MTERF4: variants seen among roughly 807,000 people sequenced by gnomAD.
MTERF4 encodes the protein mitochondrial transcription termination factor 4, also known as transcription termination factor 4, mitochondrial.
MTERF4 carries 17 observed loss-of-function variants against 22.5 expected under a neutral mutation model. That is an observed-to-expected ratio of 0.75 (90% CI 0.52 to 1.13). MTERF4 has a LOEUF of 1.13. MTERF4 is among the 50% of genes most tolerant of loss of function. The pLI is 0.00. For missense variants in MTERF4, 420 were observed against 466.8 expected (o/e 0.90, Z 0.92); for synonymous variants, 165 against 175.3 (o/e 0.94, Z 0.47).
chr2:241,053,660 C>T, the MTERF4 span, among the ~76,000 whole-genome samples: 4 of 152,206 alleles, frequency 2.6e-5, no homozygotes, highest in Admixed American at 6.5e-5. Context: ...GAGCCAGATA[C>T]GGATTCAGGA....
downstream of MTERF4, among the ~76,000 whole-genome samples, chr2:241,069,384 T>C (rs1020807117): frequency 6.6e-6 from 1 of 152,114 alleles, no homozygotes; most frequent in African/African-American, 2.4e-5. This position sits in a 1 kb window ranked among gnomAD's most constrained non-coding sequence, Gnocchi z 4.9. Context: ...GCTCCCTAAG[T>C]TCCTGGTGTC....
rs2064609114 is a variant in MTERF4, at chr2:241,099,601, G to A, written c.315C>T (p.Ser105=). The A allele has an allele frequency of 1.2e-6, 2 of 1,614,080 alleles. No individual in the cohort carries two copies. Among genetic ancestry groups the A allele is most frequent in the African/African-American group, 1.3e-5 (1 of 74,920 alleles). The change falls in exon 2 of 4, where the codon AGC becomes AGT. Residue 105 remains serine (S), a synonymous_variant. Transcript: ENST00000391980. ...VMSSLLDMGF[S]NAHINELLSV... ...TGAGCAATTCATTAATATGGGCATT[G>A]CTGAAACCCATGTCCAGGAGGGAAC...
At chr2:241,049,970 C>A in the MTERF4 span, 1 of 1,495,586 alleles carries the variant, frequency 6.7e-7, no homozygotes, top group African/African-American at 1.4e-5. Context: ...GGCGTCAGCA[C>A]CCTGGAGAGC....
chr2:241,075,166 C>G lies in MTERF4; in HGVS notation n.996G>C, dbSNP rs940320268. 2 of 152,144 alleles carry G rather than the reference C, an allele frequency of 1.3e-5. No individual in the cohort carries two copies. The highest frequency in any genetic ancestry group is 4.8e-5 in the African/African-American group (2 of 41,402). 9.4% of individuals were successfully genotyped at this position (152,144 alleles called of 1,614,324 possible). ...TCTTCTCCCCTCTCTGTGCAGAGAA[C>G]ATGTAGGTTGTGTTTGGTATGAGCA... On this transcript the variant is annotated non_coding_transcript_exon_variant, in exon 5 of 5. Coordinates refer to the MTERF4 transcript ENST00000464344. This position sits in a 1 kb window ranked among gnomAD's most constrained non-coding sequence, Gnocchi z 4.8.
the MTERF4 span, among the ~76,000 whole-genome samples, chr2:241,043,762 A>G: frequency 6.6e-6 from 1 of 152,232 alleles, no homozygotes; most frequent in African/African-American, 2.4e-5. Context: ...TGTGAGCCAT[A>G]TGGTCTCTAT....
At chr2:241,053,064 G>A in the MTERF4 span, 4 of 1,292,668 alleles carry the variant, frequency 3.1e-6, no homozygotes, top group Non-Finnish European at 4.3e-6. Flanking sequence ...ACATCCCTGG[G>A]CCCTGCAGTC....
At chr2:241,052,337 C>T in the MTERF4 span, 1 of 1,560,672 alleles carries the variant, frequency 6.4e-7, no homozygotes, top group Admixed American at 1.8e-5. Flanking sequence ...TGGCCAGGAC[C>T]TTCCTGCATT....
the MTERF4 span, among the ~76,000 whole-genome samples, chr2:241,044,716 G>A: frequency 4.1e-4 from 63 of 152,108 alleles, no homozygotes; most frequent in African/African-American, 1.4e-3. Context: ...CTTAAACTGC[G>A]AAGGAAGAAA....
the MTERF4 span, chr2:241,065,011 T>TAGGG: frequency 1.5e-6 from 2 of 1,346,180 alleles, no homozygotes; most frequent in Non-Finnish European, 2.0e-6. Context: ...CCCCTCTCCC[T>TAGGG]AGAGGGCCCA....
chr2:241,068,745 G>A (rs946397865), downstream of MTERF4, among the ~76,000 whole-genome samples: 2 of 152,166 alleles, frequency 1.3e-5, no homozygotes, highest in South Asian at 2.1e-4. This position sits in a 1 kb window ranked among gnomAD's most constrained non-coding sequence, Gnocchi z 5.3. Context: ...AGGAGCACAC[G>A]GCTCTGAGGG....
At chr2:241,064,137 GGCCTGCCTGCTCCCCGCCCTCT>G in the MTERF4 span, 6,908 of 1,525,834 alleles carry the variant, frequency 4.5e-3, 347 homozygotes, top group African/African-American at 0.052. The surrounding 1 kb of genome is among the most constrained non-coding windows in gnomAD (Gnocchi z 7.0). Context: ...TAGGGCGGCA[GGCCTGCCTGCTCCCCGCCCTCT>G]GCCCGCCTGC....
At chr2:241,051,755 C>T in the MTERF4 span, 1 of 1,521,668 alleles carries the variant, frequency 6.6e-7, no homozygotes, top group African/African-American at 1.4e-5. This position sits in a 1 kb window ranked among gnomAD's most constrained non-coding sequence, Gnocchi z 4.7. Flanking sequence ...CCGGCCACAC[C>T]TGTGCAGCTC....
downstream of MTERF4, chr2:241,071,581 AG>A: frequency 6.3e-7 from 1 of 1,586,266 alleles, no homozygotes; most frequent in Non-Finnish European, 8.5e-7. Context: ...TGCAGCCCCC[AG>A]GGATGGCGCT....
chr2:241,089,079 C>T, downstream of MTERF4: 4 of 451,328 alleles, frequency 8.9e-6, no homozygotes, highest in Non-Finnish European at 1.6e-5. Flanking sequence ...CACCTCCCCA[C>T]ACAAACTGCC....
At chr2:241,054,764 G>A in the MTERF4 span, among the ~76,000 whole-genome samples, 1 of 152,204 alleles carries the variant, frequency 6.6e-6, no homozygotes, top group Non-Finnish European at 1.5e-5. Context: ...TTAGTGAGTT[G>A]AAAGATCAGC....
At chr2:241,054,201 AT>A in the MTERF4 span, among the ~76,000 whole-genome samples, 2 of 152,180 alleles carry the variant, frequency 1.3e-5, no homozygotes, top group South Asian at 4.2e-4. Flanking sequence ...CCCCACCTAT[AT>A]GTTGCCAGAA....
the MTERF4 span, among the ~76,000 whole-genome samples, chr2:241,046,073 A>T: frequency 9.2e-5 from 14 of 152,362 alleles, no homozygotes; most frequent in South Asian, 1.4e-3. Context: ...TCTTGTCATT[A>T]ATATCAGCCA....
chr2:241,101,455 T>C (rs2064703812), intron 1 of MTERF4, among the ~76,000 whole-genome samples: 1 of 152,240 alleles, frequency 6.6e-6, no homozygotes, highest in Non-Finnish European at 1.5e-5. Context: ...GCCTGGTTCC[T>C]AATAGGCAAG....
chr2:241,096,654 A>C lies in MTERF4; in HGVS notation c.706-216T>G. ...CTGAGAAACATGGAGCAGGAAATAA[A>C]GGGGTGGGAGGGAAAAGGGGCAGGA... On this transcript the variant is annotated intron_variant, in intron 3 of 3. Transcript: ENST00000391980. The surrounding 1 kb of genome is among the most constrained non-coding windows in gnomAD (Gnocchi z 5.1). The C allele has an allele frequency of 4.7e-6, 3 of 635,684 alleles. No individual in the cohort carries two copies. The highest frequency in any genetic ancestry group is 6.0e-6 in the Non-Finnish European group (2 of 335,548). The allele number at this position is 635,684 out of a possible 1,614,324, so 39.4% of individuals were successfully genotyped here.
Sources: allele counts gnomAD v4.1 joint callset (sites outside exome capture counted in the v4.1 genomes callset), GRCh38; gene constraint gnomAD v4.1.1; non-coding constraint Gnocchi (gnomAD v3.1); transcripts MANE v1.5; gene names NCBI Gene and HGNC (gene_info 2026-07-23, HGNC 2026-07-21).